Variants in PPP4R4 observed in about 807,000 individuals in gnomAD.
PPP4R4 encodes the protein serine/threonine-protein phosphatase 4 regulatory subunit 4.
Under a neutral mutation model 121.8 loss-of-function variants are expected in PPP4R4, and 70 were observed. The ratio of observed to expected loss-of-function variants is 0.57; its 90% CI spans 0.47 to 0.70. PPP4R4 has a LOEUF of 0.70. Among genes scored for constraint, PPP4R4 ranks in the 30% least tolerant of loss-of-function variants. The pLI is 0.00. For missense variants in PPP4R4, 875 were observed against 1,033.6 expected, an observed-to-expected ratio of 0.85 and a Z score of 2.10; for synonymous variants, 348 against 355.7, an observed-to-expected ratio of 0.98 and a Z score of 0.24.
chr14:94,225,774 T>C (rs1221019494), intron 3 of PPP4R4, among the ~76,000 whole-genome samples: 1 of 152,170 alleles, frequency 6.6e-6, no homozygotes, highest in East Asian at 1.9e-4. Flanking sequence ...TAAAATGATA[T>C]TATCTTCAGA....
intron 2 of PPP4R4, among the ~76,000 whole-genome samples, chr14:94,202,042 G>A (rs1467779493): frequency 6.6e-6 from 1 of 151,930 alleles, no homozygotes; most frequent in Non-Finnish European, 1.5e-5. Context: ...TCTAAGTGAA[G>A]TAACTCAGGA....
chr14:94,265,039 T>C, intron 20 of PPP4R4, 92 bp downstream of exon 20: 1 of 1,108,502 alleles, frequency 9.0e-7, no homozygotes, highest in Non-Finnish European at 1.3e-6. Context: ...TTTTATTTGA[T>C]ATGGAAAATT....
Position 94,188,059 on chromosome 14 carries a change from A to T in PPP4R4, c.191+11932A>T, listed in dbSNP as rs1464170467. Among the ~76,000 whole-genome samples the T allele has an allele frequency of 3.3e-5, 5 of 152,182 alleles. No individual in the cohort carries two copies. In the East Asian group the frequency reaches 7.7e-4, roughly 23 times the overall value. On this transcript the variant is annotated intron_variant, in intron 2 of 24. Coordinates refer to ENST00000304338, the MANE Select transcript of PPP4R4 (RefSeq NM_058237.2). ...AGAAAGCATTCTGTCTCTTACCATTAACTATATATAATGTGGTGGTACTTT... is the reference window on the plus strand; with the variant it reads ...AGAAAGCATTCTGTCTCTTACCATTTACTATATATAATGTGGTGGTACTTT...
intron 19 of PPP4R4, among the ~76,000 whole-genome samples, chr14:94,260,342 C>T (rs538941356): frequency 4.6e-5 from 7 of 152,156 alleles, no homozygotes; most frequent in South Asian, 2.1e-4. Flanking sequence ...AAGAGAATGG[C>T]GTGAACCCGG....
chr14:94,235,255 C>G (rs1278947244), intron 7 of PPP4R4, among the ~76,000 whole-genome samples: 2 of 152,030 alleles, frequency 1.3e-5, no homozygotes, highest in Non-Finnish European at 2.9e-5. Flanking sequence ...TGAATATTTT[C>G]TATTCATGGT....
At chr14:94,273,507 A>T (rs947018671) in intron 23 of PPP4R4, among the ~76,000 whole-genome samples, 4 of 152,138 alleles carry the variant, frequency 2.6e-5, no homozygotes, top group African/African-American at 9.7e-5. Flanking sequence ...GGGCAGTGAA[A>T]ACACTCTGTA....
intron 3 of PPP4R4, among the ~76,000 whole-genome samples, chr14:94,222,473 A>G (rs1377615182): frequency 6.6e-6 from 1 of 151,602 alleles, no homozygotes; most frequent in East Asian, 1.9e-4. Flanking sequence ...TTTTATTTAT[A>G]TATTTCAGGT....
rs193289944 is a variant in PPP4R4, at chr14:94,278,892, G to A, written c.*249G>A. ...GTGGTTACGGAATTCCAATGTTATA[G>A]TGAAGTGTAATGAAAAACATCTCTA... On this transcript the variant is annotated 3_prime_UTR_variant, in exon 25 of 25. Transcript: ENST00000304338. 152 of 272,010 alleles carry A rather than the reference G, an allele frequency of 5.6e-4. No individual in the cohort carries two copies. The highest frequency in any genetic ancestry group is 3.1e-3 in the African/African-American group (142 of 45,580). The allele number at this position is 272,010 out of a possible 1,614,324, so 16.8% of individuals were successfully genotyped here.
intron 2 of PPP4R4, among the ~76,000 whole-genome samples, chr14:94,182,291 G>A (rs1889036752): frequency 6.6e-6 from 1 of 152,152 alleles, no homozygotes; most frequent in Non-Finnish European, 1.5e-5. Context: ...AACTTTGAAT[G>A]TATGCAGAAA....
chr14:94,242,899 A>G (rs1403410994), intron 11 of PPP4R4, among the ~76,000 whole-genome samples: 1 of 152,202 alleles, frequency 6.6e-6, no homozygotes, highest in Non-Finnish European at 1.5e-5. Context: ...TTTATGATGA[A>G]TTTAACTTTT....
rs1383622004 is a variant in PPP4R4, at chr14:94,212,573, A to T, written c.294+4007A>T. On this transcript the variant is annotated intron_variant, in intron 3 of 24. Transcript: ENST00000304338. Reference sequence around the variant, plus strand: ...TCCAATTTAAATTTCTTAAATGTGGAGACATTTTAAAATATAGTTTTTACC... The same window carrying T: ...TCCAATTTAAATTTCTTAAATGTGGTGACATTTTAAAATATAGTTTTTACC... Among the ~76,000 whole-genome samples the T allele has an allele frequency of 2.0e-5, 3 of 152,152 alleles. No individual in the cohort carries two copies. The East Asian group carries it at 5.8e-4, about 29-fold the overall frequency.
chr14:94,221,130 A>G (rs1891368072), intron 3 of PPP4R4, among the ~76,000 whole-genome samples: 1 of 152,164 alleles, frequency 6.6e-6, no homozygotes, highest in Admixed American at 6.5e-5. Flanking sequence ...GGCAAAGGCA[A>G]TTCATTATAG....
chr14:94,200,620 A>C (rs188786945), intron 2 of PPP4R4, among the ~76,000 whole-genome samples: 8 of 152,220 alleles, frequency 5.3e-5, no homozygotes, highest in Non-Finnish European at 7.3e-5. Context: ...CTTTGTGTGC[A>C]TAAAGGTGTT....
At chr14:94,249,925 T>G (rs917497021) in intron 14 of PPP4R4, among the ~76,000 whole-genome samples, 1 of 152,088 alleles carries the variant, frequency 6.6e-6, no homozygotes, top group Admixed American at 6.5e-5. Context: ...GGCAAGGAAA[T>G]GAGAGTCAAA....
At chr14:94,236,513 T>G (rs112492135) in intron 7 of PPP4R4, among the ~76,000 whole-genome samples, 2,913 of 152,296 alleles carry the variant, frequency 0.019, 88 homozygotes, top group African/African-American at 0.066. Context: ...AACATCTCTA[T>G]CTGTATGATC....
At chr14:94,183,951 CAA>C (rs2139384831) in intron 2 of PPP4R4, among the ~76,000 whole-genome samples, 1 of 151,872 alleles carries the variant, frequency 6.6e-6, no homozygotes, top group Middle Eastern at 3.4e-3. Context: ...AATAATGTGT[CAA>C]GTTATGTAAC....
At chr14:94,198,264 A>G (rs1469879077) in intron 2 of PPP4R4, among the ~76,000 whole-genome samples, 2 of 152,174 alleles carry the variant, frequency 1.3e-5, no homozygotes, top group Non-Finnish European at 2.9e-5. Context: ...TGTGGTTGTA[A>G]TGTAATTTTA....
At position 94,230,671 on chromosome 14, in the gene PPP4R4, A is replaced by G. The variant is rs1484915304; in HGVS notation, c.379A>G (p.Ile127Val). Residue 127 changes from isoleucine to valine, a missense_variant, in exon 4 of 25, where the codon ATT (isoleucine) becomes GTT (valine). By Grantham distance (29) the Ile-to-Val change is conservative. Coordinates refer to ENST00000304338, the MANE Select transcript of PPP4R4 (RefSeq NM_058237.2). Reference sequence around the variant, plus strand: ...CATTCTGCAGGACGAATCAGTGTCAATTCATGCATATACCCACTCATTCCT... The same window carrying G: ...CATTCTGCAGGACGAATCAGTGTCAGTTCATGCATATACCCACTCATTCCT... ...LTILQDESVSIHAYTHSFLQV... is the reference protein window; with the variant it reads ...LTILQDESVSVHAYTHSFLQV... 2 of 1,612,980 alleles carry G rather than the reference A, an allele frequency of 1.2e-6. No homozygotes were observed. The highest frequency in any genetic ancestry group is 4.5e-5 in the East Asian group (2 of 44,890).
chr14:94,265,366 T>G (rs1264239637), intron 20 of PPP4R4, 21 bp from the exon 21 acceptor site: 5 of 1,559,064 alleles, frequency 3.2e-6, no homozygotes, highest in Non-Finnish European at 4.4e-6. Context: ...ATTATACAAC[T>G]TAAAGCAGAA....
Sources: allele counts gnomAD v4.1 joint callset (sites outside exome capture counted in the v4.1 genomes callset), GRCh38; gene constraint gnomAD v4.1.1; transcripts MANE v1.5; gene names NCBI Gene and HGNC (gene_info 2026-07-23, HGNC 2026-07-21).